GLIS3: variants seen among roughly 807,000 people sequenced by gnomAD.
GLIS3 encodes the protein zinc finger protein GLIS3.
GLIS3 carries 53 observed loss-of-function variants against 78.6 expected under a neutral mutation model. The ratio of observed to expected loss-of-function variants is 0.67; its 90% CI spans 0.54 to 0.85. The LOEUF is 0.85. GLIS3 is among the 40% of genes least tolerant of loss of function. GLIS3 has a pLI of 0.00. For synonymous variants in GLIS3, 684 were observed against 509.9 expected (o/e 1.34, Z -4.60); for missense variants, 1,703 against 1,231.1 (o/e 1.38, Z -5.74).
intron 2 of GLIS3, among the ~76,000 whole-genome samples, chr9:4,339,985 T>C (rs961714180): frequency 6.6e-6 from 1 of 151,194 alleles, no homozygotes; most frequent in African/African-American, 2.4e-5. Context: ...TCATTTGGTA[T>C]TGACCAAGAC....
chr9:4,244,749 A>G (rs772746792), intron 2 of GLIS3, among the ~76,000 whole-genome samples: 2 of 151,844 alleles, frequency 1.3e-5, no homozygotes, highest in Non-Finnish European at 2.9e-5. Flanking sequence ...TAATTTTTGT[A>G]TTTTTAGTAG....
intron 9 of GLIS3, among the ~76,000 whole-genome samples, chr9:3,847,068 C>T (rs1384906728): frequency 6.6e-6 from 1 of 152,128 alleles, no homozygotes; most frequent in African/African-American, 2.4e-5. Context: ...CCTGTAATCT[C>T]AGGTACTCGG....
chr9:4,212,604 A>G (rs550489382), intron 2 of GLIS3, among the ~76,000 whole-genome samples: 115 of 152,362 alleles, frequency 7.5e-4, no homozygotes, highest in Non-Finnish European at 1.4e-3. Flanking sequence ...TTGATATCAG[A>G]AATTCCTGAA....
intron 7 of GLIS3, among the ~76,000 whole-genome samples, chr9:3,896,535 G>A (rs1233413061): frequency 1.3e-5 from 2 of 151,764 alleles, no homozygotes; most frequent in African/African-American, 4.8e-5. Flanking sequence ...GTGTGGTGGT[G>A]CACACCTGTA....
chr9:4,103,414 G>A (rs1226764898), intron 4 of GLIS3, among the ~76,000 whole-genome samples: 1 of 151,974 alleles, frequency 6.6e-6, no homozygotes, highest in Non-Finnish European at 1.5e-5. Flanking sequence ...GGAGAAGCCC[G>A]GCAACTGAGA....
intron 4 of GLIS3, among the ~76,000 whole-genome samples, chr9:3,987,325 T>C (rs994715873): frequency 1.3e-5 from 2 of 152,098 alleles, no homozygotes; most frequent in Admixed American, 6.5e-5. Context: ...CTCAGGGACT[T>C]GTGGGACACT....
chr9:3,904,492 T>C (rs940507513), intron 6 of GLIS3, among the ~76,000 whole-genome samples: 21 of 152,294 alleles, frequency 1.4e-4, no homozygotes, highest in African/African-American at 4.8e-4. Flanking sequence ...ACATAATATA[T>C]AGATATTTAT....
chr9:3,901,404 T>C (rs1823291474), intron 6 of GLIS3, among the ~76,000 whole-genome samples: 1 of 152,222 alleles, frequency 6.6e-6, no homozygotes, highest in Non-Finnish European at 1.5e-5. Flanking sequence ...GATAGACTGA[T>C]AGCTTGAAAT....
the GLIS3 span, among the ~76,000 whole-genome samples, chr9:4,466,316 C>A: frequency 1.3e-5 from 2 of 152,182 alleles, no homozygotes; most frequent in African/African-American, 4.8e-5. Context: ...TAGTTGACAG[C>A]TTTCCACAAA....
the GLIS3 span, among the ~76,000 whole-genome samples, chr9:4,463,563 G>A: frequency 2.0e-5 from 3 of 152,156 alleles, no homozygotes; most frequent in East Asian, 3.8e-4. Flanking sequence ...ATACTAAGGT[G>A]TGGGTAGCTG....
chr9:4,045,808 C>T (rs1458853169), intron 4 of GLIS3, among the ~76,000 whole-genome samples: 2 of 152,102 alleles, frequency 1.3e-5, no homozygotes, highest in Admixed American at 6.6e-5. Flanking sequence ...ACTAATGTTC[C>T]GCCCCGTCAG....
intron 4 of GLIS3, among the ~76,000 whole-genome samples, chr9:4,047,282 C>T (rs183467688): frequency 1.3e-5 from 2 of 152,242 alleles, no homozygotes; most frequent in Non-Finnish European, 2.9e-5. Flanking sequence ...GAGGCCACCC[C>T]AGTCATGCAG....
intron 4 of GLIS3, among the ~76,000 whole-genome samples, chr9:4,056,167 G>C (rs1361565756): frequency 1.3e-5 from 2 of 152,154 alleles, no homozygotes; most frequent in African/African-American, 4.8e-5. Context: ...CACCAAATGG[G>C]GTTTGCAATA....
chr9:4,136,052 T>A (rs1355713357), intron 2 of GLIS3, among the ~76,000 whole-genome samples: 1 of 152,174 alleles, frequency 6.6e-6, no homozygotes. Context: ...ACAATTAGAA[T>A]GAAATAACCG....
intron 2 of GLIS3, among the ~76,000 whole-genome samples, chr9:4,341,010 A>T (rs982894304): frequency 1.3e-5 from 2 of 152,204 alleles, no homozygotes; most frequent in African/African-American, 4.8e-5. Context: ...GCAAACACCC[A>T]CAACTGGCAT....
intron 4 of GLIS3, among the ~76,000 whole-genome samples, chr9:4,068,133 T>TG (rs1827262465): frequency 6.6e-6 from 1 of 152,166 alleles, no homozygotes; most frequent in Admixed American, 6.5e-5. Flanking sequence ...TAAGCATGAA[T>TG]TTAAATGTTC....
At chr9:4,399,337 T>C in the GLIS3 span, among the ~76,000 whole-genome samples, 3 of 152,226 alleles carry the variant, frequency 2.0e-5, no homozygotes, top group Non-Finnish European at 4.4e-5. Context: ...CTCTTCTGAG[T>C]ATTCTAATAT....
At chr9:4,107,027 G>A (rs1255510863) in intron 4 of GLIS3, among the ~76,000 whole-genome samples, 1 of 152,094 alleles carries the variant, frequency 6.6e-6, no homozygotes, top group Non-Finnish European at 1.5e-5. Flanking sequence ...GAAAAAAAAT[G>A]GTTGGGCTGG....
the GLIS3 span, among the ~76,000 whole-genome samples, chr9:4,412,552 G>A: frequency 6.6e-6 from 1 of 152,164 alleles, no homozygotes; most frequent in Non-Finnish European, 1.5e-5. Context: ...ATGGATTTCA[G>A]CTTATTCACT....
Sources: allele counts gnomAD v4.1 joint callset (sites outside exome capture counted in the v4.1 genomes callset), GRCh38; gene constraint gnomAD v4.1.1; transcripts MANE v1.5; gene names NCBI Gene and HGNC (gene_info 2026-07-23, HGNC 2026-07-21).